Variants in GCNT4 observed in about 807,000 individuals in gnomAD.
GCNT4 encodes the protein glucosaminyl (N-acetyl) transferase 4.
GCNT4 carries 17 observed loss-of-function variants against 31.3 expected under a neutral mutation model. That is an observed-to-expected ratio of 0.54 (90% confidence interval 0.37 to 0.81). The LOEUF is 0.81. Ranked by LOEUF, GCNT4 falls within the 40% of genes least tolerant of loss-of-function variation. The pLI is 0.00. For missense variants in GCNT4, 503 were observed against 525.5 expected, an observed-to-expected ratio of 0.96 and a Z score of 0.42; for synonymous variants, 158 against 190.6, an observed-to-expected ratio of 0.83 and a Z score of 1.41.
intron 3 of GCNT4, among the ~76,000 whole-genome samples, chr5:75,042,007 T>C (rs773409835): frequency 6.6e-6 from 1 of 152,232 alleles, no homozygotes; most frequent in Non-Finnish European, 1.5e-5. Context: ...CAAAAATACT[T>C]ATGCCTTCAA....
rs1742967699 is a variant in GCNT4, at chr5:75,027,321, A to T, written c.*1355T>A. 1.9e-5 allele frequency: 1 copy of T among 52,674 alleles called. No homozygotes were observed. The highest frequency in any genetic ancestry group is 2.5e-4 in the Admixed American group (1 of 4,062). 3.3% of individuals were successfully genotyped at this position (52,674 alleles called of 1,614,324 possible). A position where few individuals can be genotyped will look rare whatever the true frequency, so the allele number is the denominator to read the frequency against. ...ATATATATAATTATATGTATATATA[A>T]TATATATTCATATACAATATATGTA... is the stretch of plus-strand genomic sequence containing the variant. On this transcript the variant is annotated 3_prime_UTR_variant, in exon 4 of 4. Coordinates refer to ENST00000652361, the MANE Select transcript of GCNT4 (RefSeq NM_001366737.1).
chr5:75,030,703 C>T (rs1242715450), intron 3 of GCNT4: 2 of 167,018 alleles, frequency 1.2e-5, no homozygotes, highest in Non-Finnish European at 1.5e-5. Flanking sequence ...ATAAAAAGGG[C>T]CTGATTTTTC....
upstream of GCNT4, among the ~76,000 whole-genome samples, chr5:75,053,977 G>C (rs1743652560): frequency 6.6e-6 from 1 of 152,118 alleles, no homozygotes; most frequent in Non-Finnish European, 1.5e-5. Flanking sequence ...CTCCTTGAAC[G>C]CCGGGCTCTG....
chr5:75,049,100 GA>G, intron 2 of GCNT4, among the ~76,000 whole-genome samples: 1 of 151,300 alleles, frequency 6.6e-6, no homozygotes, highest in Admixed American at 6.6e-5. Flanking sequence ...ACATTGGGAA[GA>G]ATTTACTGGT....
At chr5:75,043,860 G>A (rs1036384144) in intron 3 of GCNT4, among the ~76,000 whole-genome samples, 1 of 152,188 alleles carries the variant, frequency 6.6e-6, no homozygotes, top group Non-Finnish European at 1.5e-5. Flanking sequence ...TTATACAACA[G>A]TACATTCCTA....
At chr5:75,034,889 C>T (rs566696196) in intron 3 of GCNT4, among the ~76,000 whole-genome samples, 2 of 152,394 alleles carry the variant, frequency 1.3e-5, no homozygotes, top group Non-Finnish European at 2.9e-5. Context: ...GCAGCAAGAA[C>T]ACAGAGGTGC....
intron 3 of GCNT4, among the ~76,000 whole-genome samples, chr5:75,047,006 C>G (rs1339681176): frequency 1.3e-5 from 2 of 152,172 alleles, no homozygotes. Flanking sequence ...TTACACAACC[C>G]TTATCTTCCT....
chr5:75,053,620 T>C (rs2149983919), upstream of GCNT4, among the ~76,000 whole-genome samples: 1 of 151,992 alleles, frequency 6.6e-6, no homozygotes, highest in East Asian at 2.0e-4. Context: ...CCGCGGCGGC[T>C]CGCTCTCGCC....
downstream of GCNT4, among the ~76,000 whole-genome samples, chr5:75,021,617 A>G (rs939305429): frequency 1.3e-4 from 20 of 152,196 alleles, no homozygotes; most frequent in African/African-American, 4.6e-4. Flanking sequence ...CTTTTTCCTT[A>G]CCAGTTAATT....
intron 2 of GCNT4, among the ~76,000 whole-genome samples, chr5:75,050,658 A>G (rs1356721888): frequency 1.3e-5 from 2 of 151,856 alleles, no homozygotes; most frequent in East Asian, 1.9e-4. Flanking sequence ...TCCTCCTCCA[A>G]TGTTCCCTGT....
Position 75,028,738 on chromosome 5 carries a change from C to G in GCNT4, c.1300G>C (p.Asp434His). 6.2e-7 allele frequency: 1 copy of G among 1,613,964 alleles called. No homozygotes were observed. Among genetic ancestry groups the G allele is most frequent in the East Asian group, 2.2e-5 (1 of 44,884 alleles). The part of the protein sequence containing the change: ...LAEKLEEQQR[D>H]WITLPSEKLF... Reference sequence around the variant, plus strand: ...TTTTCTGAGGGCAAAGTGATCCAGTCTCTCTGCTGTTCTTCAAGCTTTTCT... The same window carrying G: ...TTTTCTGAGGGCAAAGTGATCCAGTGTCTCTGCTGTTCTTCAAGCTTTTCT... Residue 434 changes from aspartate to histidine, a missense_variant, in exon 4 of 4, where the codon GAC (aspartate) becomes CAC (histidine). By Grantham distance (81) the Asp-to-His change is moderately conservative. Transcript: ENST00000652361.
At chr5:75,039,812 G>A (rs1743279584) in intron 3 of GCNT4, among the ~76,000 whole-genome samples, 1 of 152,114 alleles carries the variant, frequency 6.6e-6, no homozygotes, top group African/African-American at 2.4e-5. Context: ...TCTCTGTACT[G>A]TAGCCAAAAT....
chr5:75,030,074 T>G (rs1743029468), intron 3 of GCNT4, 36 bp from the exon 4 acceptor site: 1 of 1,543,518 alleles, frequency 6.5e-7, no homozygotes, highest in African/African-American at 1.4e-5. Flanking sequence ...AGTTGGAATA[T>G]TAACAGAAAA....
intron 3 of GCNT4, among the ~76,000 whole-genome samples, chr5:75,032,874 T>TAG (rs1743098411): frequency 2.1e-5 from 1 of 46,686 alleles, no homozygotes; most frequent in South Asian, 5.7e-4. Flanking sequence ...CAAATAGGGG[T>TAG]GTGTGTGTGT....
In GCNT4 at chr5:75,027,246, C is replaced by T. The variant is rs1203190453; in HGVS notation, c.*1430G>A. The T allele has an allele frequency of 7.0e-6, 1 of 141,914 alleles. No individual in the cohort carries two copies. The highest frequency in any genetic ancestry group is 1.5e-5 in the Non-Finnish European group (1 of 66,468). The allele number at this position is 141,914 out of a possible 1,614,324, so 8.8% of individuals were successfully genotyped here. On this transcript the variant is annotated 3_prime_UTR_variant, in exon 4 of 4. Coordinates refer to ENST00000652361, the MANE Select transcript of GCNT4 (RefSeq NM_001366737.1). ...CCCCATTTTACTTCCAGAACAATTC[C>T]ATTATATATATAATATATATTCATT...
chr5:75,017,603 G>C, the GCNT4 span: 1 of 152,248 alleles, frequency 6.6e-6, no homozygotes, highest in East Asian at 1.9e-4. Context: ...AGATGCTTTA[G>C]GAAGGGGGTG....
At position 75,028,456 on chromosome 5, in the gene GCNT4, G is replaced by C; in HGVS notation, c.*220C>G. ...CTGAATGTTTAAGATCTCTGATTTG[G>C]CTCAGTGAGATTACAAGCAAAAACA... On this transcript the variant is annotated 3_prime_UTR_variant, in exon 4 of 4. Coordinates refer to ENST00000652361, the MANE Select transcript of GCNT4 (RefSeq NM_001366737.1). The C allele has an allele frequency of 1.9e-6, 1 of 523,862 alleles. No individual in the cohort carries two copies. Among genetic ancestry groups the C allele is most frequent in the East Asian group, 3.1e-5 (1 of 31,900 alleles). 32.5% of individuals were successfully genotyped at this position (523,862 alleles called of 1,614,324 possible).
chr5:75,039,868 A>G (rs942455867), intron 3 of GCNT4, among the ~76,000 whole-genome samples: 1 of 151,644 alleles, frequency 6.6e-6, no homozygotes, highest in African/African-American at 2.4e-5. Flanking sequence ...CCCTAATCCC[A>G]CTCCCTACAT....
chr5:75,019,377 A>G, the GCNT4 span, among the ~76,000 whole-genome samples: 1 of 152,236 alleles, frequency 6.6e-6, no homozygotes, highest in Non-Finnish European at 1.5e-5. Context: ...CCTGTGGTGC[A>G]TTTGTTACAG....
Sources: gnomAD v4.1 joint callset for allele counts (sites outside exome capture counted in the v4.1 genomes callset) on GRCh38, gnomAD v4.1.1 for gene constraint, MANE v1.5 for transcripts, NCBI Gene and HGNC (gene_info 2026-07-23, HGNC 2026-07-21) for gene names.